The following PARPBP variants were observed in gnomAD, a reference collection of about 807,000 sequenced individuals.
The protein encoded by PARPBP is PARP1 binding protein, also known as PCNA-interacting partner.
In PARPBP, 52 loss-of-function variants were observed where a neutral mutation model predicts 50.0. The observed-to-expected ratio is 1.04, with a 90% confidence interval of 0.83 to 1.31. PARPBP has a LOEUF of 1.31. PARPBP is among the 50% of genes most tolerant of loss of function. PARPBP has a pLI of 0.00. For synonymous variants in PARPBP, 244 were observed against 232.1 expected (o/e 1.05, Z -0.47); for missense variants, 697 against 672.0 (o/e 1.04, Z -0.41).
In PARPBP at chr12:102,195,441, C is replaced by T; in HGVS notation, c.1393C>T (p.Leu465Phe). The T allele has an allele frequency of 6.3e-7, 1 of 1,585,218 alleles. No individual in the cohort carries two copies. Residue 465 changes from leucine (L) to phenylalanine (F), a missense_variant, in exon 10 of 11, where the codon CTT becomes TTT. Physicochemically the swap from Leu to Phe is conservative, Grantham distance 22. Transcript: ENST00000327680. Reference sequence around the variant, plus strand: ...GTGTGTTCTTTACATGGAAAATGACCTTTCTGGTAATTGACCTTATTTGTG... The same window carrying T: ...GTGTGTTCTTTACATGGAAAATGACTTTTCTGGTAATTGACCTTATTTGTG... ...PLCVLYMENDLSEGVNPSVGR... is the reference protein window; with the variant it reads ...PLCVLYMENDFSEGVNPSVGR...
chr12:102,170,764 T>G (rs963104832), intron 6 of PARPBP, among the ~76,000 whole-genome samples: 1 of 152,206 alleles, frequency 6.6e-6, no homozygotes, highest in African/African-American at 2.4e-5. Flanking sequence ...AACTTTAAAA[T>G]TTGACTATGA....
Position 102,196,922 on chromosome 12 carries a change from C to G in PARPBP, c.*631C>G, listed in dbSNP as rs1307640253. 2 of 1,446,730 alleles carry G rather than the reference C, an allele frequency of 1.4e-6. No homozygotes were observed. The highest frequency in any genetic ancestry group is 1.4e-5 in the African/African-American group (1 of 71,042). The allele number at this position is 1,446,730 out of a possible 1,614,324, so 89.6% of individuals were successfully genotyped here. A position where few individuals can be genotyped will look rare whatever the true frequency, so the allele number is the denominator to read the frequency against. On this transcript the variant is annotated 3_prime_UTR_variant, in exon 11 of 11. Coordinates refer to ENST00000327680, the MANE Select transcript of PARPBP (RefSeq NM_017915.5). ...TCCAAATTCACTTTAACTCAGAGTT[C>G]TGTTTAATGGTGGTAGGATGTAAGA...
intron 7 of PARPBP, among the ~76,000 whole-genome samples, chr12:102,178,032 C>T (rs1051995440): frequency 1.3e-5 from 2 of 152,178 alleles, no homozygotes; most frequent in Admixed American, 6.5e-5. Context: ...ATGCAATTGT[C>T]AGTTACTTAT....
intron 4 of PARPBP, among the ~76,000 whole-genome samples, chr12:102,156,536 G>T (rs1261272817): frequency 2.0e-5 from 3 of 151,922 alleles, no homozygotes; most frequent in African/African-American, 4.8e-5. Flanking sequence ...TCTTGGCAAA[G>T]TTTCTGTGAT....
intron 8 of PARPBP, among the ~76,000 whole-genome samples, chr12:102,180,919 C>G (rs1889761799): frequency 6.6e-6 from 1 of 152,108 alleles, no homozygotes; most frequent in African/African-American, 2.4e-5. Context: ...TTTCTTAGGG[C>G]AGGCAATCTT....
At chr12:102,140,161 G>A (rs937901509) in intron 2 of PARPBP, among the ~76,000 whole-genome samples, 1 of 152,044 alleles carries the variant, frequency 6.6e-6, no homozygotes, top group African/African-American at 2.4e-5. Flanking sequence ...CAATTTCAGA[G>A]CCTGTTATTG....
At chr12:102,121,626 T>C (rs1223610877) in intron 1 of PARPBP, among the ~76,000 whole-genome samples, 1 of 144,392 alleles carries the variant, frequency 6.9e-6, no homozygotes, top group Non-Finnish European at 1.5e-5. Flanking sequence ...CTATCTTGGC[T>C]CACTGCAACT....
intron 6 of PARPBP, among the ~76,000 whole-genome samples, chr12:102,167,651 A>C (rs1019507246): frequency 1.3e-5 from 2 of 152,276 alleles, no homozygotes; most frequent in Admixed American, 1.3e-4. Context: ...GGAATCTTTT[A>C]ATCTCTGAAA....
intron 4 of PARPBP, among the ~76,000 whole-genome samples, chr12:102,161,715 G>A (rs1887615670): frequency 6.6e-6 from 1 of 152,090 alleles, no homozygotes; most frequent in Admixed American, 6.5e-5. Flanking sequence ...GAGCCCAGGA[G>A]TTCAAGATTA....
At position 102,197,219 on chromosome 12, in the gene PARPBP, G is replaced by C. The variant is rs781587463; in HGVS notation, c.*928G>C. On this transcript the variant is annotated 3_prime_UTR_variant, in exon 11 of 11. Transcript: ENST00000327680. ...GTTTTTAGCTATCGTATTCGGAGTGGAACTATAATACAATTGTATAATATT... is the reference window on the plus strand; with the variant it reads ...GTTTTTAGCTATCGTATTCGGAGTGCAACTATAATACAATTGTATAATATT... The C allele has an allele frequency of 4.5e-6, 6 of 1,340,080 alleles. No individual in the cohort carries two copies. The East Asian group carries it at 1.4e-4, about 31-fold the overall frequency. 83.0% of individuals were successfully genotyped at this position (1,340,080 alleles called of 1,614,324 possible).
intron 7 of PARPBP, among the ~76,000 whole-genome samples, chr12:102,177,982 TG>T (rs1411595757): frequency 6.6e-6 from 1 of 152,258 alleles, no homozygotes; most frequent in Non-Finnish European, 1.5e-5. Context: ...CCCACTGCAC[TG>T]TGCGTACACT....
At chr12:102,156,176 CTTTTTTTT>C (rs869213784) in intron 4 of PARPBP, among the ~76,000 whole-genome samples, 3 of 66,184 alleles carry the variant, frequency 4.5e-5, no homozygotes, top group East Asian at 9.6e-4. Context: ...ATTAACCTTC[CTTTTTTTT>C]TTTTTTTTTT....
At chr12:102,150,891 T>C (rs1271311579) in intron 3 of PARPBP, among the ~76,000 whole-genome samples, 1 of 152,170 alleles carries the variant, frequency 6.6e-6, no homozygotes, top group Non-Finnish European at 1.5e-5. Context: ...TTGGTGAGGC[T>C]TGGGAGAACA....
chr12:102,141,820 G>C (rs1014266521), intron 2 of PARPBP, among the ~76,000 whole-genome samples: 2 of 152,160 alleles, frequency 1.3e-5, no homozygotes, highest in Non-Finnish European at 2.9e-5. Context: ...GGCCCCCACT[G>C]TCTTCTGGCT....
At chr12:102,188,456 A>G (rs1321766449) in intron 9 of PARPBP, among the ~76,000 whole-genome samples, 3 of 152,070 alleles carry the variant, frequency 2.0e-5, no homozygotes, top group Non-Finnish European at 4.4e-5. Context: ...CCAGAAGTCA[A>G]ATGTGAGTTA....
At chr12:102,163,636 C>T (rs1216149684) in intron 4 of PARPBP, among the ~76,000 whole-genome samples, 1 of 151,756 alleles carries the variant, frequency 6.6e-6, no homozygotes, top group African/African-American at 2.4e-5. Flanking sequence ...TGTTGTTGTT[C>T]TCCTTTGTTT....
intron 2 of PARPBP, among the ~76,000 whole-genome samples, chr12:102,144,450 T>TA (rs1885091099): frequency 6.6e-6 from 1 of 152,200 alleles, no homozygotes; most frequent in African/African-American, 2.4e-5. Flanking sequence ...AATCAGTTGT[T>TA]ACTGGTTTGA....
intron 2 of PARPBP, among the ~76,000 whole-genome samples, chr12:102,128,237 C>T (rs1006759182): frequency 2.4e-4 from 37 of 151,860 alleles, no homozygotes; most frequent in Non-Finnish European, 4.4e-5. Flanking sequence ...ATAAGTTCAC[C>T]TCTTTTGTTT....
intron 2 of PARPBP, among the ~76,000 whole-genome samples, chr12:102,132,580 G>A (rs1883036703): frequency 6.6e-6 from 1 of 152,172 alleles, no homozygotes; most frequent in African/African-American, 2.4e-5. Flanking sequence ...TTTGAAGTTA[G>A]GTAGTGTGAT....
Sources: gnomAD v4.1 joint callset for allele counts (sites outside exome capture counted in the v4.1 genomes callset) on GRCh38, gnomAD v4.1.1 for gene constraint, MANE v1.5 for transcripts, NCBI Gene and HGNC (gene_info 2026-07-23, HGNC 2026-07-21) for gene names.